Variants in RAD51B observed in about 807,000 individuals in gnomAD.
RAD51B encodes RAD51 paralog B.
RAD51B carries 38 observed loss-of-function variants against 42.2 expected under a neutral mutation model. The ratio of observed to expected loss-of-function variants is 0.90; its 90% CI spans 0.70 to 1.18. The LOEUF (loss-of-function observed/expected upper bound fraction) is 1.18, where lower values mean the gene tolerates loss of function less well. Ranked by LOEUF, RAD51B falls within the 50% of genes most tolerant of loss-of-function variation. The pLI is 0.00. For missense variants in RAD51B, 373 were observed against 400.7 expected (o/e 0.93, Z 0.59); for synonymous variants, 154 against 145.2 (o/e 1.06, Z -0.43).
intron 8 of RAD51B, among the ~76,000 whole-genome samples, chr14:68,349,085 G>A (rs938065386): frequency 1.3e-5 from 2 of 152,164 alleles, no homozygotes; most frequent in Non-Finnish European, 2.9e-5. Flanking sequence ...CTTTGTTTAT[G>A]AACACTGAAA....
At chr14:68,315,231 A>T (rs570576590) in intron 8 of RAD51B, among the ~76,000 whole-genome samples, 2 of 152,308 alleles carry the variant, frequency 1.3e-5, no homozygotes, top group East Asian at 3.9e-4. Flanking sequence ...TCACATTAGG[A>T]GGAGAGACTT....
intron 10 of RAD51B, among the ~76,000 whole-genome samples, chr14:68,566,948 T>G (rs543911215): frequency 6.6e-6 from 1 of 152,298 alleles, no homozygotes; most frequent in South Asian, 2.1e-4. Flanking sequence ...GCTTACTTCT[T>G]TTTCAATATG....
intron 7 of RAD51B, among the ~76,000 whole-genome samples, chr14:67,890,355 G>C (rs909561722): frequency 2.0e-5 from 3 of 151,722 alleles, no homozygotes; most frequent in African/African-American, 7.3e-5. Flanking sequence ...GGTAGAATGA[G>C]AGATCTTTTA....
Position 67,823,597 on chromosome 14 carries a change from T to A in RAD51B, c.54T>A (p.Arg18=), listed in dbSNP as rs201043457. ...GTTTATCACAAGAGCTGTGTGACCG[T>A]CTGAGTAGACATCAGATCCTTACCT... ...RVGLSQELCD[R]LSRHQILTCQ... The change falls in exon 2 of 11, where the codon CGT becomes CGA. Residue 18 remains arginine, a synonymous_variant. Transcript: ENST00000471583. 2 of 1,613,718 alleles carry A rather than the reference T, an allele frequency of 1.2e-6. No individual in the cohort carries two copies. Among genetic ancestry groups the A allele is most frequent in the Middle Eastern group, 1.6e-4 (1 of 6,082 alleles).
At chr14:68,189,548 C>T (rs1042012879) in intron 7 of RAD51B, among the ~76,000 whole-genome samples, 12 of 152,234 alleles carry the variant, frequency 7.9e-5, no homozygotes, top group Admixed American at 7.9e-4. Flanking sequence ...TTATTAGAAA[C>T]TATAAATCTT....
chr14:68,611,729 C>T (rs1036886236), downstream of RAD51B, among the ~76,000 whole-genome samples: 2 of 152,226 alleles, frequency 1.3e-5, no homozygotes, highest in African/African-American at 4.8e-5. Context: ...GAAAGGTTTA[C>T]ATATTCTTTG....
At chr14:67,955,747 A>G (rs1296321804) in intron 7 of RAD51B, among the ~76,000 whole-genome samples, 2 of 152,244 alleles carry the variant, frequency 1.3e-5, no homozygotes, top group Non-Finnish European at 2.9e-5. Flanking sequence ...AGAACAAAGC[A>G]GAATTTACCA....
In RAD51B at chr14:67,820,428, C is replaced by T. The variant is rs1175439017; in HGVS notation, c.-3+575C>T. The stretch of plus-strand genomic sequence containing the variant: ...ATATTGTTCCTAAACAGTTGTTGAA[C>T]ATCTAACATGAAGAATTTTCTTTTC... On this transcript the variant is annotated intron_variant, in intron 1 of 10. Transcript: ENST00000471583. 5.3e-5 allele frequency among the ~76,000 whole-genome samples: 8 copies of T among 152,124 alleles called. No individual in the cohort carries two copies. In the East Asian group the frequency reaches 1.5e-3, roughly 29 times the overall value.
chr14:68,380,977 G>A (rs1165180130), intron 8 of RAD51B, among the ~76,000 whole-genome samples: 1 of 152,168 alleles, frequency 6.6e-6, no homozygotes, highest in Non-Finnish European at 1.5e-5. Flanking sequence ...GGCATCTATT[G>A]ATACATTTCT....
intron 1 of RAD51B, among the ~76,000 whole-genome samples, chr14:67,822,510 C>G (rs1422038131): frequency 1.3e-5 from 2 of 152,016 alleles, no homozygotes; most frequent in East Asian, 1.9e-4. Context: ...AACCCTGTCT[C>G]TACAAAAAAT....
chr14:68,183,036 G>C (rs2079084392), intron 7 of RAD51B, among the ~76,000 whole-genome samples: 1 of 152,180 alleles, frequency 6.6e-6, no homozygotes, highest in Admixed American at 6.5e-5. Flanking sequence ...GATTTTGACT[G>C]ACTTAATTTG....
Position 67,837,772 on chromosome 14 carries a change from G to A in RAD51B, c.315+2576G>A, listed in dbSNP as rs966067762. ...GTAATTGGCATATCCATCACTTCAA[G>A]CATTTATCATTTTTTGTGTGTGTTC... On this transcript the variant is annotated intron_variant, in intron 4 of 10. Coordinates refer to ENST00000471583, the MANE Select transcript of RAD51B (RefSeq NM_133510.4). 2.0e-5 allele frequency among the ~76,000 whole-genome samples: 3 copies of A among 152,090 alleles called. No individual in the cohort carries two copies. The East Asian group carries it at 5.8e-4, about 29-fold the overall frequency.
At chr14:68,109,493 A>T (rs377771) in intron 7 of RAD51B, among the ~76,000 whole-genome samples, 1 of 152,090 alleles carries the variant, frequency 6.6e-6, no homozygotes, top group Non-Finnish European at 1.5e-5. Context: ...TAAGAAGCTT[A>T]CTAGAAAGAG....
intron 10 of RAD51B, among the ~76,000 whole-genome samples, chr14:68,566,615 C>G (rs1889432411): frequency 6.6e-6 from 1 of 152,164 alleles, no homozygotes; most frequent in South Asian, 2.1e-4. Flanking sequence ...TGTTCATGGA[C>G]AGTCCAGGGC....
At chr14:68,393,247 C>G (rs2083811834) in intron 8 of RAD51B, among the ~76,000 whole-genome samples, 1 of 152,174 alleles carries the variant, frequency 6.6e-6, no homozygotes, top group Non-Finnish European at 1.5e-5. Context: ...CAGGGACTAG[C>G]CCTGCTTTGA....
At chr14:68,450,206 C>CTTTTTTT (rs67536658) in intron 9 of RAD51B, among the ~76,000 whole-genome samples, 1 of 47,906 alleles carries the variant, frequency 2.1e-5, no homozygotes, top group Non-Finnish European at 3.4e-5. Context: ...GAGCTTAGGG[C>CTTTTTTT]TTTTTTTTTT....
chr14:68,573,691 G>C (rs1889822253), intron 10 of RAD51B, among the ~76,000 whole-genome samples: 1 of 152,212 alleles, frequency 6.6e-6, no homozygotes, highest in Non-Finnish European at 1.5e-5. Flanking sequence ...AGGGCGCCTA[G>C]CAGGTCTTTG....
chr14:68,632,128 C>G (rs1250316191), intron 10 of RAD51B, among the ~76,000 whole-genome samples: 2 of 152,166 alleles, frequency 1.3e-5, no homozygotes, highest in African/African-American at 4.8e-5. Context: ...TCTTTCTTCT[C>G]CAGAAGCCAA....
chr14:68,092,110 T>C (rs1445142711), intron 7 of RAD51B, among the ~76,000 whole-genome samples: 2 of 152,348 alleles, frequency 1.3e-5, no homozygotes, highest in African/African-American at 4.8e-5. Flanking sequence ...AGCTTTGTAG[T>C]ATAGTTTGAA....
Sources: gnomAD v4.1 joint callset for allele counts (sites outside exome capture counted in the v4.1 genomes callset) on GRCh38, gnomAD v4.1.1 for gene constraint, MANE v1.5 for transcripts, NCBI Gene and HGNC (gene_info 2026-07-23, HGNC 2026-07-21) for gene names.